Variants in GPC5 observed in about 807,000 individuals in gnomAD.
GPC5 encodes the protein glypican 5, also known as glypican-5.
GPC5 carries 47 observed loss-of-function variants against 53.9 expected under a neutral mutation model. The ratio of observed to expected loss-of-function variants is 0.87; its 90% CI spans 0.69 to 1.11. The LOEUF (loss-of-function observed/expected upper bound fraction) is 1.11. Among genes scored for constraint, GPC5 ranks in the 50% most tolerant of loss-of-function variants. The pLI is 0.00. For missense variants in GPC5, 748 were observed against 713.1 expected (o/e 1.05, Z -0.56); for synonymous variants, 286 against 263.3 (o/e 1.09, Z -0.84).
At chr13:91,663,863 G>C (rs2035043020) in intron 2 of GPC5, among the ~76,000 whole-genome samples, 1 of 152,132 alleles carries the variant, frequency 6.6e-6, no homozygotes, top group Non-Finnish European at 1.5e-5. Flanking sequence ...AATTTTAACA[G>C]ATGGGGTCTT....
At chr13:91,856,599 C>A (rs1276923176) in intron 5 of GPC5, among the ~76,000 whole-genome samples, 1 of 147,560 alleles carries the variant, frequency 6.8e-6, no homozygotes, top group Non-Finnish European at 1.5e-5. Context: ...ATTCGTATAT[C>A]TTTTTTTTTT....
chr13:91,868,549 T>C (rs557173121), intron 5 of GPC5, among the ~76,000 whole-genome samples: 53 of 151,816 alleles, frequency 3.5e-4, no homozygotes, highest in African/African-American at 1.2e-3. Context: ...CACAAACTAT[T>C]AAAAAATTAG....
intron 6 of GPC5, among the ~76,000 whole-genome samples, chr13:92,109,528 T>G (rs2041539683): frequency 6.6e-6 from 1 of 152,200 alleles, no homozygotes; most frequent in Admixed American, 6.5e-5. Flanking sequence ...TCTAAAATTC[T>G]TTTTGATGAA....
rs558713193 is a variant in GPC5, at chr13:91,885,284, C to A, written c.1281-22653C>A. 9.7e-4 allele frequency among the ~76,000 whole-genome samples: 147 copies of A among 152,252 alleles called. 1 individual carries two copies. Among genetic ancestry groups the A allele is most frequent in the Middle Eastern group, 6.8e-3 (2 of 294 alleles). ...GATTATATTCTTATTCTCTTAAAAT[C>A]TTTATGTCTTCTAATAATGTTAACA... On this transcript the variant is annotated intron_variant, in intron 5 of 7. Coordinates refer to ENST00000377067, the MANE Select transcript of GPC5 (RefSeq NM_004466.6).
At chr13:91,696,318 A>G (rs2035878809) in intron 3 of GPC5, among the ~76,000 whole-genome samples, 1 of 152,192 alleles carries the variant, frequency 6.6e-6, no homozygotes, top group Admixed American at 6.5e-5. Context: ...TAATAGTCCT[A>G]TGACTATTTT....
At chr13:92,438,891 A>C (rs1877433864) in intron 7 of GPC5, among the ~76,000 whole-genome samples, 1 of 152,110 alleles carries the variant, frequency 6.6e-6, no homozygotes, top group Non-Finnish European at 1.5e-5. Context: ...TTGGAAGAGA[A>C]AGTAAGCATG....
chr13:92,516,010 A>T (rs1880762094), intron 7 of GPC5, among the ~76,000 whole-genome samples: 1 of 152,176 alleles, frequency 6.6e-6, no homozygotes, highest in African/African-American at 2.4e-5. Context: ...CTATTAAATC[A>T]TATATTCTGT....
chr13:92,374,867 TAGAA>T (rs1369640296), intron 7 of GPC5, among the ~76,000 whole-genome samples: 1 of 110,026 alleles, frequency 9.1e-6, no homozygotes, highest in South Asian at 2.8e-4. Flanking sequence ...AAAAAAAAAA[TAGAA>T]AAAAAAAATA....
intron 4 of GPC5, among the ~76,000 whole-genome samples, chr13:91,740,968 G>A (rs142348089): frequency 5.9e-5 from 9 of 152,224 alleles, no homozygotes; most frequent in African/African-American, 1.9e-4. Flanking sequence ...AAATTAAGAT[G>A]GAGTCTCAAC....
At chr13:92,384,945 G>A (rs1421194797) in intron 7 of GPC5, among the ~76,000 whole-genome samples, 2 of 152,034 alleles carry the variant, frequency 1.3e-5, no homozygotes, top group Non-Finnish European at 2.9e-5. Flanking sequence ...CACTCCTAAG[G>A]AAAATTGCAC....
intron 7 of GPC5, among the ~76,000 whole-genome samples, chr13:92,200,557 C>A (rs1373251790): frequency 1.3e-5 from 2 of 152,184 alleles, no homozygotes; most frequent in African/African-American, 2.4e-5. Flanking sequence ...CTCTCATTTT[C>A]TGTTATGTTC....
intron 6 of GPC5, among the ~76,000 whole-genome samples, chr13:91,950,629 T>C (rs939696886): frequency 2.0e-5 from 3 of 152,146 alleles, no homozygotes; most frequent in Non-Finnish European, 2.9e-5. Flanking sequence ...CTGTGTTTCA[T>C]GAGAGTAAAA....
chr13:92,813,498 T>C (rs1401329045), intron 7 of GPC5, among the ~76,000 whole-genome samples: 2 of 152,028 alleles, frequency 1.3e-5, no homozygotes, highest in African/African-American at 4.8e-5. Context: ...CCTCCATAGT[T>C]CCAAACTAAT....
chr13:91,555,986 A>G (rs754397816), intron 2 of GPC5, among the ~76,000 whole-genome samples: 1 of 152,042 alleles, frequency 6.6e-6, no homozygotes, highest in Non-Finnish European at 1.5e-5. Context: ...CAGCCAAACC[A>G]TATCACCAGC....
intron 7 of GPC5, among the ~76,000 whole-genome samples, chr13:92,171,347 C>T (rs1419524609): frequency 2.0e-5 from 3 of 152,174 alleles, no homozygotes; most frequent in South Asian, 4.1e-4. Context: ...TCAGTCTTCT[C>T]TTTTTGAAAA....
chr13:91,422,435 A>G (rs1878701389), intron 1 of GPC5, among the ~76,000 whole-genome samples: 3 of 152,084 alleles, frequency 2.0e-5, no homozygotes, highest in Admixed American at 2.0e-4. Flanking sequence ...CAGGTGGTTG[A>G]GACTAGCCTG....
chr13:92,343,173 T>C (rs1258777086), intron 7 of GPC5, among the ~76,000 whole-genome samples: 1 of 152,178 alleles, frequency 6.6e-6, no homozygotes, highest in Non-Finnish European at 1.5e-5. Flanking sequence ...CCTTTGTAGT[T>C]ATCAGAAAGC....
At chr13:91,602,885 A>T (rs1347152555) in intron 2 of GPC5, among the ~76,000 whole-genome samples, 2 of 152,234 alleles carry the variant, frequency 1.3e-5, no homozygotes, top group Non-Finnish European at 2.9e-5. Context: ...TGAATAGGTC[A>T]TATCTCTAGC....
intron 7 of GPC5, among the ~76,000 whole-genome samples, chr13:92,788,398 T>A (rs1465050426): frequency 6.6e-6 from 1 of 152,076 alleles, no homozygotes; most frequent in Non-Finnish European, 1.5e-5. Flanking sequence ...ATATTATAGG[T>A]CAAAAATAAA....
Sources: gnomAD v4.1 joint callset for allele counts (sites outside exome capture counted in the v4.1 genomes callset) on GRCh38, gnomAD v4.1.1 for gene constraint, MANE v1.5 for transcripts, NCBI Gene and HGNC (gene_info 2026-07-23, HGNC 2026-07-21) for gene names.